ZNF354C: variants seen among roughly 807,000 people sequenced by gnomAD.
ZNF354C encodes zinc finger protein 354C.
ZNF354C carries 7 observed loss-of-function variants against 12.4 expected under a neutral mutation model. The ratio of observed to expected loss-of-function variants is 0.56; its 90% confidence interval spans 0.32 to 1.06. ZNF354C has a LOEUF of 1.06. Ranked by LOEUF, ZNF354C falls within the 50% of genes least tolerant of loss-of-function variation. ZNF354C has a pLI of 0.04. For missense variants in ZNF354C, 609 were observed against 658.0 expected, an observed-to-expected ratio of 0.93 and a Z score of 0.81; for synonymous variants, 202 against 224.5, an observed-to-expected ratio of 0.90 and a Z score of 0.90.
rs1762217825 is a variant in ZNF354C at position 179,080,808 on chromosome 5, A to G, written c.*711A>G. 1 of 152,324 alleles carries G rather than the reference A, an allele frequency of 6.6e-6. No individual in the cohort carries two copies. 9.4% of individuals were successfully genotyped at this position (152,324 alleles called of 1,614,324 possible). A position where few individuals can be genotyped will look rare whatever the true frequency, so the allele number is the denominator to read the frequency against. On this transcript the variant is annotated 3_prime_UTR_variant, in exon 5 of 5. Transcript: ENST00000315475. ...TTGATGTGGTTTTATATAACTGAAC[A>G]GAGTACTATTACAGTACCGTAGAAG...
In ZNF354C at chr5:179,077,131, T is replaced by C. The variant is rs1224188845; in HGVS notation, c.215T>C (p.Met72Thr). 6.2e-7 allele frequency: 1 copy of C among 1,614,040 alleles called. No homozygotes were observed. The highest frequency in any genetic ancestry group is 8.5e-7 in the Non-Finnish European group (1 of 1,180,040). The change falls in exon 4 of 5, where the codon ATG becomes ACG. Residue 72 changes from methionine (M) to threonine (T), a missense_variant. Transcript: ENST00000315475. ...HQLQQGEDPC[M>T]VEREVPSDTR... is the part of the protein sequence containing the mutation. ...TTGCAGCAAGGAGAAGATCCCTGCATGGTGGAAAGAGAAGTCCCTTCAGAT... is the reference window on the plus strand; with the variant it reads ...TTGCAGCAAGGAGAAGATCCCTGCACGGTGGAAAGAGAAGTCCCTTCAGAT...
intron 2 of ZNF354C, among the ~76,000 whole-genome samples, chr5:179,072,295 A>AG (rs569944224): frequency 9.3e-5 from 14 of 150,344 alleles, no homozygotes; most frequent in African/African-American, 3.4e-4. Context: ...TGAAATTGTA[A>AG]AAAAAAAAAA....
chr5:179,069,831 A>T (rs971969689), intron 2 of ZNF354C, among the ~76,000 whole-genome samples: 1 of 152,158 alleles, frequency 6.6e-6, no homozygotes, highest in African/African-American at 2.4e-5. Flanking sequence ...GCGCCCCTGC[A>T]CTCCAGCCTG....
Position 179,078,677 on chromosome 5 carries a change from T to C in ZNF354C, c.251-6T>C, listed in dbSNP as rs1358436948. ...AGGAGGCATTAATTCTTCTGATTCA[T>C]TTTAGGTTTCAAGACTTGGCTTGAA... On this transcript the variant is annotated splice_polypyrimidine_tract_variant and splice_region_variant and intron_variant, in intron 4 of 4. Coordinates refer to ENST00000315475, the MANE Select transcript of ZNF354C (RefSeq NM_014594.3). 2.5e-6 allele frequency: 4 copies of C among 1,577,106 alleles called. No individual in the cohort carries two copies. The highest frequency in any genetic ancestry group is 3.4e-6 in the Non-Finnish European group (4 of 1,165,460).
intron 3 of ZNF354C, 54 bp downstream of exon 3, chr5:179,076,625 C>T (rs1482153834): frequency 1.3e-6 from 2 of 1,598,992 alleles, no homozygotes; most frequent in Non-Finnish European, 8.5e-7. Flanking sequence ...CTCACAGGTC[C>T]ATCTTTGGGG....
chr5:179,064,845 A>G (rs1158883320), intron 2 of ZNF354C, among the ~76,000 whole-genome samples: 1 of 152,120 alleles, frequency 6.6e-6, no homozygotes, highest in African/African-American at 2.4e-5. Context: ...ACCGAGGGAG[A>G]AATTTCTCTC....
rs1386886992 is a variant in ZNF354C, at chr5:179,071,302, A to G, written c.28-5143A>G. Among the ~76,000 whole-genome samples the G allele has an allele frequency of 3.9e-5, 6 of 151,986 alleles. No individual in the cohort carries two copies. In the East Asian group the frequency reaches 5.8e-4, roughly 15 times the overall value. On this transcript the variant is annotated intron_variant, in intron 2 of 4. Coordinates refer to ENST00000315475, the MANE Select transcript of ZNF354C (RefSeq NM_014594.3). ...TGAGATGATTGATAAGATGTGTTTC[A>G]GGTCTGGAGTTCTAGTAGTCGGTCA...
intron 3 of ZNF354C, 52 bp from the exon 4 acceptor site, chr5:179,077,019 G>C (rs986585150): frequency 2.0e-6 from 3 of 1,506,782 alleles, no homozygotes; most frequent in Non-Finnish European, 2.8e-6. Context: ...GTCAGTTCTA[G>C]GATTGGTCTT....
At chr5:179,062,752 G>A (rs1312636653) in intron 2 of ZNF354C, among the ~76,000 whole-genome samples, 6 of 152,122 alleles carry the variant, frequency 3.9e-5, no homozygotes, top group Non-Finnish European at 8.8e-5. Context: ...CCAGTGCAGC[G>A]GGGATGTTAA....
chr5:179,078,533 A>G (rs963741282), intron 4 of ZNF354C, 150 bp from the exon 5 acceptor site: 3 of 641,234 alleles, frequency 4.7e-6, no homozygotes, highest in African/African-American at 1.8e-5. Context: ...CCTTTATCCC[A>G]TCCTGTTCTT....
rs1055216556 is a variant in ZNF354C at position 179,060,773 on chromosome 5, A to C, written c.-55+107A>C. On this transcript the variant is annotated intron_variant, in intron 1 of 4. Coordinates refer to ENST00000315475, the MANE Select transcript of ZNF354C (RefSeq NM_014594.3). This position sits in a 1 kb window ranked among gnomAD's most constrained non-coding sequence, Gnocchi z 4.2. ...TTCTTCTGAGTAACGGAAATAATAA[A>C]AGCAATAGCTGATGCCCGCCGAGAG... 2.0e-5 allele frequency: 3 copies of C among 152,346 alleles called. No individual in the cohort carries two copies. The highest frequency in any genetic ancestry group is 4.4e-5 in the Non-Finnish European group (3 of 68,036). 9.4% of individuals were successfully genotyped at this position (152,346 alleles called of 1,614,324 possible).
intron 1 of ZNF354C, among the ~76,000 whole-genome samples, chr5:179,061,457 T>C (rs1391425640): frequency 1.3e-5 from 2 of 152,020 alleles, no homozygotes; most frequent in African/African-American, 4.8e-5. Context: ...TTGGGTAAAG[T>C]GTGGTAAGGC....
intron 2 of ZNF354C, among the ~76,000 whole-genome samples, chr5:179,070,175 A>G (rs1194060508): frequency 6.6e-6 from 1 of 152,116 alleles, no homozygotes; most frequent in Non-Finnish European, 1.5e-5. Flanking sequence ...CCTATTGTGA[A>G]CTGCGCACGT....
intron 2 of ZNF354C, among the ~76,000 whole-genome samples, chr5:179,073,395 T>G (rs1055531609): frequency 1.1e-4 from 17 of 152,202 alleles, no homozygotes; most frequent in African/African-American, 4.1e-4. Flanking sequence ...TATAAAATAC[T>G]TTTTTTCCTT....
intron 2 of ZNF354C, among the ~76,000 whole-genome samples, chr5:179,076,115 C>A (rs1183727972): frequency 2.6e-5 from 4 of 152,178 alleles, no homozygotes; most frequent in Non-Finnish European, 5.9e-5. Context: ...CATCCATCTT[C>A]CGAGCCTAGC....
In ZNF354C at chr5:179,080,026, C is replaced by A; in HGVS notation, c.1594C>A (p.Pro532Thr). 1 of 1,611,828 alleles carries A rather than the reference C, an allele frequency of 6.2e-7. No homozygotes were observed. Among genetic ancestry groups the A allele is most frequent in the Non-Finnish European group, 8.5e-7 (1 of 1,179,298 alleles). ...KLYKWKEYGK[P>T]FICSSSLTQY... is the part of the protein sequence containing the mutation. ...CTATAAGTGGAAGGAATATGGGAAA[C>A]CTTTCATCTGCAGCTCCTCACTTAC... Residue 532 changes from proline to threonine, a missense_variant, in exon 5 of 5, where the codon CCT becomes ACT. Pro to Thr is a conservative substitution (Grantham distance 38). Transcript: ENST00000315475.
intron 1 of ZNF354C, among the ~76,000 whole-genome samples, chr5:179,061,214 C>T (rs1365736130): frequency 6.6e-6 from 1 of 152,204 alleles, no homozygotes; most frequent in Non-Finnish European, 1.5e-5. Context: ...CCTGAGTCGC[C>T]GCTGCAGATC....
At chr5:179,071,224 A>G (rs1762042955) in intron 2 of ZNF354C, among the ~76,000 whole-genome samples, 1 of 151,690 alleles carries the variant, frequency 6.6e-6, no homozygotes, top group African/African-American at 2.4e-5. Context: ...ACACATTGCT[A>G]CTCACTCTAG....
intron 2 of ZNF354C, among the ~76,000 whole-genome samples, chr5:179,073,232 T>TA (rs1762073120): frequency 6.6e-6 from 1 of 152,138 alleles, no homozygotes. Flanking sequence ...CATTTTCAGG[T>TA]AAAATAAAAT....
Sources: allele counts gnomAD v4.1 joint callset (sites outside exome capture counted in the v4.1 genomes callset), GRCh38; gene constraint gnomAD v4.1.1; non-coding constraint Gnocchi (gnomAD v3.1); transcripts MANE v1.5; gene names NCBI Gene and HGNC (gene_info 2026-07-23, HGNC 2026-07-21).